Variants in KCNT2 observed in about 807,000 individuals in gnomAD.
KCNT2 encodes the protein potassium channel subfamily T member 2.
In KCNT2, 67 loss-of-function variants were observed where a neutral mutation model predicts 153.8. The ratio of observed to expected loss-of-function variants is 0.44; its 90% CI spans 0.36 to 0.53. The LOEUF is 0.53. Among genes scored for constraint, KCNT2 ranks in the 20% least tolerant of loss-of-function variants. The probability of loss-of-function intolerance (pLI) is 0.00; values close to 1 mark genes in which losing one functional copy is unlikely to be tolerated. For missense variants in KCNT2, 975 were observed against 1,354.8 expected (o/e 0.72, Z 4.40); for synonymous variants, 500 against 458.8 (o/e 1.09, Z -1.15).
At chr1:196,331,465 G>T (rs1040010689) in intron 17 of KCNT2, among the ~76,000 whole-genome samples, 10 of 152,000 alleles carry the variant, frequency 6.6e-5, no homozygotes, top group African/African-American at 2.2e-4. Flanking sequence ...TTTTGAAAGG[G>T]TTGTTTCTGC....
At chr1:196,590,753 C>T (rs181615344) in intron 1 of KCNT2, among the ~76,000 whole-genome samples, 1 of 152,246 alleles carries the variant, frequency 6.6e-6, no homozygotes, top group East Asian at 1.9e-4. Context: ...TCGAGTTCAC[C>T]TCAACCACAT....
At chr1:196,277,683 T>C (rs993570924) in intron 25 of KCNT2, among the ~76,000 whole-genome samples, 27 of 152,162 alleles carry the variant, frequency 1.8e-4, no homozygotes, top group African/African-American at 6.5e-4. Flanking sequence ...TGTCTTTCTT[T>C]AAGTTCAAGT....
chr1:196,258,036 C>T, intron 26 of KCNT2, 158 bp downstream of exon 26: 1 of 1,425,234 alleles, frequency 7.0e-7, no homozygotes, highest in Middle Eastern at 2.5e-4. Flanking sequence ...TTATCATCAT[C>T]ATTTAAATTT....
chr1:196,449,417 C>A (rs1353571243), intron 8 of KCNT2, among the ~76,000 whole-genome samples: 1 of 151,602 alleles, frequency 6.6e-6, no homozygotes, highest in South Asian at 2.1e-4. Flanking sequence ...TATTAAGTGT[C>A]CCAATGAACC....
intron 3 of KCNT2, among the ~76,000 whole-genome samples, chr1:196,483,442 G>A (rs1354246727): frequency 6.6e-6 from 1 of 152,118 alleles, no homozygotes; most frequent in Non-Finnish European, 1.5e-5. Flanking sequence ...CAAATACACT[G>A]ATTCTTTCAA....
chr1:196,234,492 G>C (rs553158968), intron 27 of KCNT2, among the ~76,000 whole-genome samples: 8 of 151,036 alleles, frequency 5.3e-5, no homozygotes, highest in African/African-American at 1.5e-4. Context: ...GCTTTATCTT[G>C]ATGCTATGAC....
intron 18 of KCNT2, among the ~76,000 whole-genome samples, chr1:196,329,025 A>C (rs1572055480): frequency 1.3e-5 from 2 of 152,284 alleles, no homozygotes; most frequent in South Asian, 4.1e-4. Context: ...TTATAAGATA[A>C]ATAAAGGAAA....
intron 18 of KCNT2, among the ~76,000 whole-genome samples, chr1:196,328,742 T>A (rs149086243): frequency 1.3e-3 from 191 of 152,090 alleles, no homozygotes; most frequent in African/African-American, 4.1e-3. Context: ...TTAAAAGGAT[T>A]CTCCACCAAT....
At chr1:196,441,021 G>T (rs767553021) in intron 8 of KCNT2, among the ~76,000 whole-genome samples, 2 of 151,776 alleles carry the variant, frequency 1.3e-5, no homozygotes, top group African/African-American at 2.4e-5. Flanking sequence ...GAAGCTGGGA[G>T]AAGACAGATT....
chr1:196,603,378 G>T (rs1294821872), intron 1 of KCNT2, among the ~76,000 whole-genome samples: 1 of 151,926 alleles, frequency 6.6e-6, no homozygotes, highest in Non-Finnish European at 1.5e-5. Context: ...ATAATAAATG[G>T]CTGTTTTTCA....
chr1:196,327,537 A>G lies in KCNT2; in HGVS notation c.2104-648T>C, dbSNP rs369823310. Among the ~76,000 whole-genome samples, 7 of 152,186 alleles carry G rather than the reference A, an allele frequency of 4.6e-5. No individual in the cohort carries two copies. In the East Asian group the frequency reaches 9.6e-4, roughly 21 times the overall value. ...TTAACCCAATATTATTTTCAGATAA[A>G]TTATCTGCACGGAGAACTGTTTTGA... On this transcript the variant is annotated intron_variant, in intron 18 of 27. Transcript: ENST00000294725.
intron 8 of KCNT2, among the ~76,000 whole-genome samples, chr1:196,445,408 A>T (rs1675602902): frequency 6.6e-6 from 1 of 151,438 alleles, no homozygotes; most frequent in South Asian, 2.1e-4. Flanking sequence ...AATGAGGCAC[A>T]AAATAAGCTT....
Position 196,607,948 on chromosome 1 carries a change from T to C in KCNT2, c.95+267A>G, listed in dbSNP as rs535921351. Among the ~76,000 whole-genome samples the C allele has an allele frequency of 3.3e-5, 5 of 152,286 alleles. No homozygotes were observed. The East Asian group carries it at 9.7e-4, about 29-fold the overall frequency. On this transcript the variant is annotated intron_variant, in intron 1 of 27. Transcript: ENST00000294725. ...TATACACATCCTAGAAAAGCACAGA[T>C]AGACAAAAGAATAAGCACCAAATGA...
Position 196,428,252 on chromosome 1 carries a change from A to G in KCNT2, c.837T>C (p.Tyr279=), listed in dbSNP as rs1283801536. The G allele has an allele frequency of 5.0e-6, 8 of 1,612,200 alleles. No individual in the cohort carries two copies. The highest frequency in any genetic ancestry group is 6.8e-6 in the Non-Finnish European group (8 of 1,178,764). The change falls in exon 10 of 28, where the codon TAT becomes TAC. Residue 279 remains tyrosine, a synonymous_variant. Coordinates refer to ENST00000294725, the MANE Select transcript of KCNT2 (RefSeq NM_198503.5). Reference sequence around the variant, plus strand: ...CTGACTTTTGTCTCTCCATCCACAAATAAGCCAGCTGTTCAAACTGTAATA... The same window carrying G: ...CTGACTTTTGTCTCTCCATCCACAAGTAAGCCAGCTGTTCAAACTGTAATA... ...VLPIQFEQLA[Y]LWMERQKSGG... is the part of the protein sequence containing the mutation.
chr1:196,402,029 A>T (rs567014783), intron 12 of KCNT2, among the ~76,000 whole-genome samples: 5 of 151,620 alleles, frequency 3.3e-5, no homozygotes, highest in Non-Finnish European at 5.9e-5. Context: ...AGAATGAAGG[A>T]AAAAAACTAT....
chr1:196,316,106 C>T (rs1662690064), intron 20 of KCNT2, 80 bp from the exon 21 acceptor site: 2 of 1,288,670 alleles, frequency 1.6e-6, no homozygotes, highest in East Asian at 2.5e-5. Flanking sequence ...TAGCACTATC[C>T]CCTGTGCTTA....
intron 8 of KCNT2, among the ~76,000 whole-genome samples, chr1:196,443,036 G>T (rs1344679489): frequency 3.3e-5 from 5 of 151,594 alleles, no homozygotes; most frequent in Non-Finnish European, 7.4e-5. Context: ...GAAGTGGATA[G>T]ATTTGCAGGG....
At chr1:196,354,033 A>G (rs1035605931) in intron 14 of KCNT2, among the ~76,000 whole-genome samples, 6 of 151,934 alleles carry the variant, frequency 3.9e-5, no homozygotes, top group African/African-American at 1.4e-4. Context: ...TATTATACTG[A>G]TGACTTCCTA....
At chr1:196,580,858 A>T (rs895083131) in intron 1 of KCNT2, among the ~76,000 whole-genome samples, 57 of 152,304 alleles carry the variant, frequency 3.7e-4, no homozygotes, top group African/African-American at 1.4e-3. Flanking sequence ...TCTTTCTGAA[A>T]AGTACATCAT....
Sources: allele counts gnomAD v4.1 joint callset (sites outside exome capture counted in the v4.1 genomes callset), GRCh38; gene constraint gnomAD v4.1.1; transcripts MANE v1.5; gene names NCBI Gene and HGNC (gene_info 2026-07-23, HGNC 2026-07-21).